Variants in ACBD3 observed in about 807,000 individuals in gnomAD.
ACBD3 encodes the protein Golgi resident protein GCP60.
ACBD3 carries 30 observed loss-of-function variants against 66.9 expected under a neutral mutation model. The observed-to-expected ratio is 0.45, with a 90% CI of 0.34 to 0.61. The LOEUF (loss-of-function observed/expected upper bound fraction) is 0.61. Among genes scored for constraint, ACBD3 ranks in the 20% least tolerant of loss-of-function variants. The pLI, the probability that ACBD3 is intolerant of heterozygous loss-of-function variation, is 0.02. For missense variants in ACBD3, 544 were observed against 664.5 expected (o/e 0.82, Z 1.99); for synonymous variants, 278 against 259.8 (o/e 1.07, Z -0.68).
At chr1:226,170,801 A>G (rs1659979879) in intron 1 of ACBD3, among the ~76,000 whole-genome samples, 1 of 152,092 alleles carries the variant, frequency 6.6e-6, no homozygotes, top group Admixed American at 6.6e-5. Context: ...TCTTTTTGAG[A>G]CAGGTTCTCA....
chr1:226,184,084 G>C (rs1016153546), intron 1 of ACBD3, among the ~76,000 whole-genome samples: 1 of 152,046 alleles, frequency 6.6e-6, no homozygotes, highest in Non-Finnish European at 1.5e-5. Context: ...CCAGCTACTC[G>C]GGAGGCTGAG....
intron 1 of ACBD3, among the ~76,000 whole-genome samples, chr1:226,169,311 G>A (rs1264064951): frequency 2.0e-5 from 3 of 149,716 alleles, no homozygotes; most frequent in South Asian, 2.1e-4. Flanking sequence ...GCCGTGGTGC[G>A]ATCTCGGCTC....
Position 226,152,469 on chromosome 1 carries a change from G to A in ACBD3, c.1241C>T (p.Ser414Leu). 1 of 1,614,184 alleles carries A rather than the reference G, an allele frequency of 6.2e-7. No homozygotes were observed. Among genetic ancestry groups the A allele is most frequent in the South Asian group, 1.1e-5 (1 of 91,084 alleles). The change falls in exon 7 of 8, where the codon TCA (serine) becomes TTA (leucine). Residue 414 changes from serine to leucine, a missense_variant. By Grantham distance (145) the Ser-to-Leu change is moderately radical. Coordinates refer to ENST00000366812, the MANE Select transcript of ACBD3 (RefSeq NM_022735.4). ...TGTGGCAAATTCCCAAAAGAGATAT[G>A]ATCCTTCTTCATGGGTGGGTACTCG... is the stretch of plus-strand genomic sequence containing the variant. ...TVRVPTHEEG[S>L]YLFWEFATDN...
chr1:226,166,093 C>T, intron 1 of ACBD3, 93 bp from the exon 2 acceptor site: 1 of 1,338,220 alleles, frequency 7.5e-7, no homozygotes, highest in African/African-American at 1.5e-5. Flanking sequence ...CAAAGCATGT[C>T]ACAAACTGCC....
In ACBD3 at chr1:226,161,569, T is replaced by C. The variant is rs555128587; in HGVS notation, c.690A>G (p.Arg230=). The C allele has an allele frequency of 1.2e-6, 2 of 1,614,048 alleles. No individual in the cohort carries two copies. Among genetic ancestry groups the C allele is most frequent in the East Asian group, 2.2e-5 (1 of 44,880 alleles). The stretch of plus-strand genomic sequence containing the variant: ...ACCGAAGCCTTTCTTCTTCTATCCG[T>C]CTCCTTTCCTCTTCCTCCCGTCGAA... The part of the protein sequence containing the change: ...ERLRREEEER[R]RIEEERLRLE... The change falls in exon 4 of 8, where the codon AGA becomes AGG. Residue 230 remains arginine (R), a synonymous_variant. Transcript: ENST00000366812.
intron 5 of ACBD3, among the ~76,000 whole-genome samples, chr1:226,157,544 C>CT (rs200740951): frequency 0.035 from 5,220 of 150,976 alleles, 230 homozygotes; most frequent in African/African-American, 0.11. Flanking sequence ...TGGCCTATGG[C>CT]TTTTTTTTTC....
chr1:226,154,266 G>T (rs1243686843), intron 6 of ACBD3, among the ~76,000 whole-genome samples: 1 of 151,838 alleles, frequency 6.6e-6, no homozygotes, highest in East Asian at 1.9e-4. Flanking sequence ...CACCCAGGCA[G>T]GCGGAATCAT....
At chr1:226,164,647 A>T in intron 3 of ACBD3, 142 bp downstream of exon 3, 1 of 955,638 alleles carries the variant, frequency 1.0e-6, no homozygotes, top group South Asian at 2.9e-5. Flanking sequence ...CACATCAGGA[A>T]GTTTGAACAA....
intron 1 of ACBD3, among the ~76,000 whole-genome samples, chr1:226,175,389 T>C (rs1656009136): frequency 6.6e-6 from 1 of 152,186 alleles, no homozygotes; most frequent in African/African-American, 2.4e-5. Context: ...CGAAGGTAAT[T>C]TCCAGGATGA....
intron 1 of ACBD3, 24 bp downstream of exon 1, chr1:226,186,366 G>A: frequency 6.7e-7 from 1 of 1,490,586 alleles, no homozygotes; most frequent in South Asian, 1.3e-5. Flanking sequence ...CAGAAGCGGC[G>A]GGGGTGGGGC....
At chr1:226,155,770 G>A (rs1041336357) in intron 5 of ACBD3, among the ~76,000 whole-genome samples, 1 of 152,172 alleles carries the variant, frequency 6.6e-6, no homozygotes, top group Non-Finnish European at 1.5e-5. Context: ...GTTGTAAAAT[G>A]CTGACCTAAG....
At chr1:226,161,711 T>C (rs770619173) in intron 3 of ACBD3, 22 bp from the exon 4 acceptor site, 1 of 1,557,682 alleles carries the variant, frequency 6.4e-7, no homozygotes. Flanking sequence ...AGATAGAGAA[T>C]GAACCCTATA....
intron 1 of ACBD3, among the ~76,000 whole-genome samples, chr1:226,181,134 C>T (rs1387062376): frequency 6.6e-6 from 1 of 152,100 alleles, no homozygotes; most frequent in African/African-American, 2.4e-5. Flanking sequence ...ATCTGTCTCT[C>T]TTAGGTCTAT....
intron 1 of ACBD3, 60 bp downstream of exon 1, chr1:226,186,330 G>T: frequency 6.8e-7 from 1 of 1,460,622 alleles, no homozygotes; most frequent in Non-Finnish European, 9.0e-7. Flanking sequence ...GGGGACCACA[G>T]CCCACGCCGG....
At chr1:226,186,243 C>A (rs1286415895) in intron 1 of ACBD3, 147 bp downstream of exon 1, 2 of 1,081,030 alleles carry the variant, frequency 1.9e-6, no homozygotes, top group Non-Finnish European at 2.4e-6. Context: ...ACTTCGGGTA[C>A]CCCCAAGGAG....
At chr1:226,164,752 G>A in intron 3 of ACBD3, 37 bp downstream of exon 3, 2 of 1,590,424 alleles carry the variant, frequency 1.3e-6, no homozygotes, top group Non-Finnish European at 1.7e-6. Context: ...ACACTGGGCT[G>A]CGCAGCAATA....
intron 1 of ACBD3, among the ~76,000 whole-genome samples, chr1:226,172,155 C>CAAAAAAAAAA (rs779380166): frequency 0.046 from 1,977 of 43,134 alleles, 188 homozygotes; most frequent in African/African-American, 0.067. Flanking sequence ...AACTCCATCT[C>CAAAAAAAAAA]AAAAAAAAAA....
In ACBD3 at chr1:226,146,809, C is replaced by A; in HGVS notation, c.1388G>T (p.Cys463Phe). ...GGCATTCTTTTTGGCTTTCTCTTCA[C>A]AACCGATGTTTTCTGTAAGAACAGA... ...DDEEEEENIGCEEKAKKNANK... is the reference protein window; with the variant it reads ...DDEEEEENIGFEEKAKKNANK... The change falls in exon 8 of 8, where the codon TGT becomes TTT. Residue 463 changes from cysteine (C) to phenylalanine (F), a missense_variant. Cys to Phe is a radical substitution (Grantham distance 205). Coordinates refer to ENST00000366812, the MANE Select transcript of ACBD3 (RefSeq NM_022735.4). 1.2e-6 allele frequency: 2 copies of A among 1,614,140 alleles called. No individual in the cohort carries two copies. Among genetic ancestry groups the A allele is most frequent in the South Asian group, 2.2e-5 (2 of 91,072 alleles).
At chr1:226,151,233 G>A (rs925090276) in intron 7 of ACBD3, among the ~76,000 whole-genome samples, 1 of 152,148 alleles carries the variant, frequency 6.6e-6, no homozygotes, top group Non-Finnish European at 1.5e-5. Context: ...AGAACAAGCA[G>A]TCTGTTTACA....
Sources: gnomAD v4.1 joint callset for allele counts (sites outside exome capture counted in the v4.1 genomes callset) on GRCh38, gnomAD v4.1.1 for gene constraint, MANE v1.5 for transcripts, NCBI Gene and HGNC (gene_info 2026-07-23, HGNC 2026-07-21) for gene names.